The following YY1 variants were observed in gnomAD, a reference collection of about 807,000 sequenced individuals.
YY1 encodes the protein transcriptional repressor protein YY1.
A neutral mutation model predicts 35.6 loss-of-function variants in YY1; 2 were observed. The ratio of observed to expected loss-of-function variants is 0.06; its 90% CI spans 0.02 to 0.18. The LOEUF is 0.18. Among genes scored for constraint, YY1 ranks in the 10% least tolerant of loss-of-function variants. The probability of loss-of-function intolerance (pLI) is 1.00; values close to 1 mark genes in which losing one functional copy is unlikely to be tolerated. For synonymous variants in YY1, 268 were observed against 238.9 expected (o/e 1.12, Z -1.12); for missense variants, 322 against 573.4 (o/e 0.56, Z 4.48).
chr14:100,258,238 A>G (rs1264796769), intron 1 of YY1, among the ~76,000 whole-genome samples: 2 of 152,208 alleles, frequency 1.3e-5, no homozygotes, highest in East Asian at 3.8e-4. Context: ...TAGATGTGCC[A>G]GGCTAGAGGG....
intron 1 of YY1, among the ~76,000 whole-genome samples, chr14:100,244,319 A>C (rs373549384): frequency 0.073 from 5,629 of 76,586 alleles, 145 homozygotes; most frequent in Non-Finnish European, 0.083. Context: ...TTCCTTTTTT[A>C]CTTTTTTTTT....
intron 2 of YY1, among the ~76,000 whole-genome samples, chr14:100,270,897 A>G (rs552872036): frequency 2.6e-5 from 4 of 152,304 alleles, no homozygotes; most frequent in African/African-American, 9.6e-5. Flanking sequence ...ACAATGTTTC[A>G]GTAGAATTTT....
intron 1 of YY1, among the ~76,000 whole-genome samples, chr14:100,249,768 TTG>T: frequency 1.3e-5 from 2 of 149,762 alleles, no homozygotes; most frequent in African/African-American, 2.5e-5. Context: ...TTGTTTGTTT[TTG>T]TTTTTGTTTT....
chr14:100,246,766 C>T (rs1890839582), intron 1 of YY1, among the ~76,000 whole-genome samples: 1 of 152,178 alleles, frequency 6.6e-6, no homozygotes, highest in Admixed American at 6.6e-5. Flanking sequence ...CACACCCTCC[C>T]TCCCCAGTAG....
intron 1 of YY1, among the ~76,000 whole-genome samples, chr14:100,259,486 C>T (rs771585368): frequency 6.6e-6 from 1 of 151,798 alleles, no homozygotes; most frequent in African/African-American, 2.4e-5. Context: ...TGCCACTGCA[C>T]TCTAGCCTGG....
rs902834465 is a variant in YY1 at position 100,278,263 on chromosome 14, T to G, written c.*663T>G. 6.5e-6 allele frequency: 1 copy of G among 152,768 alleles called. No individual in the cohort carries two copies. The highest frequency in any genetic ancestry group is 2.4e-5 in the African/African-American group (1 of 41,448). The allele number at this position is 152,768 out of a possible 1,614,324, so 9.5% of individuals were successfully genotyped here. ...ATGTAGTATCAAATATTAGATGTGA[T>G]TTAATAGTGTTAATCAATTTAAACC... On this transcript the variant is annotated 3_prime_UTR_variant, in exon 5 of 5. Transcript: ENST00000262238.
chr14:100,274,716 TAAA>T lies in YY1; in HGVS notation c.862_864del (p.Lys288del). ...TGATAAGAATGAAGCCAAGAAAAAT[TAAA>T]GAAGATGATGCTCCAAGAACAATAG... is the stretch of plus-strand genomic sequence containing the variant. On this transcript the variant is annotated inframe_deletion, in exon 3 of 5. Transcript: ENST00000262238. 1 of 1,614,006 alleles carries T rather than the reference TAAA, an allele frequency of 6.2e-7. No homozygotes were observed. The highest frequency in any genetic ancestry group is 8.5e-7 in the Non-Finnish European group (1 of 1,179,896).
intron 1 of YY1, among the ~76,000 whole-genome samples, chr14:100,258,904 T>G (rs916045552): frequency 1.3e-5 from 2 of 152,240 alleles, no homozygotes; most frequent in African/African-American, 4.8e-5. Flanking sequence ...GGAACCTACG[T>G]TCTATCTTGA....
chr14:100,276,921 C>G lies in YY1; in HGVS notation c.1062+273C>G, dbSNP rs1407239314. The G allele has an allele frequency of 5.9e-6, 3 of 506,866 alleles. No individual in the cohort carries two copies. Among genetic ancestry groups the G allele is most frequent in the Non-Finnish European group, 1.1e-5 (3 of 281,436 alleles). 31.4% of individuals were successfully genotyped at this position (506,866 alleles called of 1,614,324 possible). ...AGGAGAACAGGATTGAAGAGCATAC[C>G]TAAAACTCAATTTCTACTTCATTCA... On this transcript the variant is annotated intron_variant, in intron 4 of 4. Transcript: ENST00000262238. This position sits in a 1 kb window ranked among gnomAD's most constrained non-coding sequence, Gnocchi z 4.1.
intron 1 of YY1, among the ~76,000 whole-genome samples, chr14:100,244,468 A>C (rs1890800808): frequency 6.6e-6 from 1 of 150,748 alleles, no homozygotes; most frequent in Non-Finnish European, 1.5e-5. Context: ...TTTTTGGTAG[A>C]GACGAAGTTT....
In YY1 at chr14:100,276,762, C is replaced by G. The variant is rs2139604491; in HGVS notation, c.1062+114C>G. ...AGCCCAGAGACTCAGGGTCTTATTACTCCTTGGTGAGAAACAAAACTTCTC... is the reference window on the plus strand; with the variant it reads ...AGCCCAGAGACTCAGGGTCTTATTAGTCCTTGGTGAGAAACAAAACTTCTC... On this transcript the variant is annotated intron_variant, in intron 4 of 4. Transcript: ENST00000262238. The surrounding 1 kb of genome is among the most constrained non-coding windows in gnomAD (Gnocchi z 4.1). 6.6e-7 allele frequency: 1 copy of G among 1,517,842 alleles called. No individual in the cohort carries two copies. Among genetic ancestry groups the G allele is most frequent in the East Asian group, 2.3e-5 (1 of 44,248 alleles). 94.0% of individuals were successfully genotyped at this position (1,517,842 alleles called of 1,614,324 possible). A position where few individuals can be genotyped will look rare whatever the true frequency, so the allele number is the denominator to read the frequency against.
At chr14:100,242,064 A>C (rs1459691778) in intron 1 of YY1, among the ~76,000 whole-genome samples, 3 of 151,966 alleles carry the variant, frequency 2.0e-5, no homozygotes, top group Non-Finnish European at 4.4e-5. Context: ...AATTCAGAAT[A>C]CGATTTGAAA....
intron 1 of YY1, among the ~76,000 whole-genome samples, chr14:100,242,853 A>G (rs1169514097): frequency 6.6e-6 from 1 of 151,942 alleles, no homozygotes; most frequent in African/African-American, 2.4e-5. Flanking sequence ...GATTCAAGGG[A>G]TTCTCATGTC....
chr14:100,249,760 G>GTTTGTT (rs1555369515), intron 1 of YY1, among the ~76,000 whole-genome samples: 18 of 143,052 alleles, frequency 1.3e-4, no homozygotes, highest in East Asian at 4.1e-4. Context: ...TTTTTTTTTT[G>GTTTGTT]TTTGTTTTTG....
At chr14:100,268,337 T>C (rs1891184432) in intron 2 of YY1, among the ~76,000 whole-genome samples, 1 of 152,228 alleles carries the variant, frequency 6.6e-6, no homozygotes, top group East Asian at 1.9e-4. Context: ...TTGGAAAGTC[T>C]GACATTGGGA....
At position 100,245,081 on chromosome 14, in the gene YY1, C is replaced by T. The variant is rs538180364; in HGVS notation, c.679+5158C>T. On this transcript the variant is annotated intron_variant, in intron 1 of 4. Transcript: ENST00000262238. ...CCTCCAGAGTAGCTGGAACTACAGGCGCCCGCTGCCACACCCGGCTAATTT... is the reference window on the plus strand; with the variant it reads ...CCTCCAGAGTAGCTGGAACTACAGGTGCCCGCTGCCACACCCGGCTAATTT... 2.2e-3 allele frequency among the ~76,000 whole-genome samples: 329 copies of T among 152,136 alleles called. 1 individual carries two copies. Among genetic ancestry groups the T allele is most frequent in the African/African-American group, 7.5e-3 (313 of 41,496 alleles).
chr14:100,239,389 G>A lies in YY1; in HGVS notation c.145G>A (p.Asp49Asn). Reference sequence around the variant, plus strand: ...GGTGGGCGAGGAGGAGGAGGAGGACGACGACGACGAGGACGGCGGCGGTGG... The same window carrying A: ...GGTGGGCGAGGAGGAGGAGGAGGACAACGACGACGAGGACGGCGGCGGTGG... ...TVVGEEEEED[D>N]DDEDGGGGDH... Residue 49 changes from aspartate (D) to asparagine (N), a missense_variant, in exon 1 of 5, where the codon GAC becomes AAC. Coordinates refer to ENST00000262238, the MANE Select transcript of YY1 (RefSeq NM_003403.5). 2 of 1,599,772 alleles carry A rather than the reference G, an allele frequency of 1.3e-6. No individual in the cohort carries two copies. Among genetic ancestry groups the A allele is most frequent in the Non-Finnish European group, 1.7e-6 (2 of 1,173,978 alleles).
At chr14:100,256,210 T>G (rs897455148) in intron 1 of YY1, among the ~76,000 whole-genome samples, 1 of 152,156 alleles carries the variant, frequency 6.6e-6, no homozygotes, top group Non-Finnish European at 1.5e-5. Context: ...TGACCTAGGT[T>G]TCTTATCCCC....
At position 100,280,344 on chromosome 14, in the gene YY1, C is replaced by T. The variant is rs1236686729; in HGVS notation, c.*2744C>T. On this transcript the variant is annotated 3_prime_UTR_variant, in exon 5 of 5. Transcript: ENST00000262238. ...TCGTACATCTGAGCAGAAATAAATG[C>T]ATGTTTCTAGCATATGTAATATAAA... The T allele has an allele frequency of 6.6e-6, 1 of 152,132 alleles. No individual in the cohort carries two copies. The highest frequency in any genetic ancestry group is 6.5e-5 in the Admixed American group (1 of 15,280). The allele number at this position is 152,132 out of a possible 1,614,324, so 9.4% of individuals were successfully genotyped here.
Sources: gnomAD v4.1 joint callset for allele counts (sites outside exome capture counted in the v4.1 genomes callset) on GRCh38, gnomAD v4.1.1 for gene constraint, Gnocchi (gnomAD v3.1) non-coding constraint, MANE v1.5 for transcripts, NCBI Gene and HGNC (gene_info 2026-07-23, HGNC 2026-07-21) for gene names.